The following ZDHHC11B variants were observed in gnomAD, a reference collection of about 807,000 sequenced individuals.
ZDHHC11B encodes zDHHC palmitoyltransferase 11B (putative).
In ZDHHC11B, 17 loss-of-function variants were observed where a neutral mutation model predicts 42.3. That is an observed-to-expected ratio of 0.40 (90% CI 0.27 to 0.60). The LOEUF is 0.60. Among genes scored for constraint, ZDHHC11B ranks in the 20% least tolerant of loss-of-function variants. The pLI is 0.41. For missense variants in ZDHHC11B, 262 were observed against 463.2 expected (o/e 0.57, Z 3.99); for synonymous variants, 123 against 193.5 (o/e 0.64, Z 3.02).
intron 8 of ZDHHC11B, among the ~76,000 whole-genome samples, chr5:746,216 T>C (rs536348486): frequency 7.5e-5 from 11 of 146,834 alleles, no homozygotes; most frequent in Middle Eastern, 3.4e-3. Flanking sequence ...GCCGATGTCT[T>C]GTGACTATTT....
intron 4 of ZDHHC11B, among the ~76,000 whole-genome samples, chr5:756,823 C>T (rs1264080303): frequency 7.3e-5 from 11 of 151,708 alleles, no homozygotes; most frequent in African/African-American, 2.2e-4. Flanking sequence ...GGCTCACTGA[C>T]GGACCCTCTC....
At chr5:779,141 C>T (rs470949) in intron 1 of ZDHHC11B, among the ~76,000 whole-genome samples, 2 of 150,878 alleles carry the variant, frequency 1.3e-5, no homozygotes, top group Non-Finnish European at 2.9e-5. Flanking sequence ...CACAGTCGCC[C>T]TGAGGCTGGG....
rs1486037641 is a variant in ZDHHC11B at position 751,962 on chromosome 5, G to A, written c.504-705C>T. ...GTGCGACTCGCCCAAGCCTACCAGC[G>A]GAGCATGAGGGTCACACGGCGTCTC... On this transcript the variant is annotated intron_variant, in intron 6 of 13. Coordinates refer to ENST00000508859, the MANE Select transcript of ZDHHC11B (RefSeq NM_001351303.2). Among the ~76,000 whole-genome samples, 37 of 120,706 alleles carry A rather than the reference G, an allele frequency of 3.1e-4. 5 individuals are homozygous for A. Among genetic ancestry groups the A allele is most frequent in the African/African-American group, 5.0e-4 (19 of 37,928 alleles). 79.2% of individuals were successfully genotyped at this position (120,706 alleles called of 152,430 possible).
chr5:751,566 G>T lies in ZDHHC11B; in HGVS notation c.504-309C>A, dbSNP rs1209689447. On this transcript the variant is annotated intron_variant, in intron 6 of 13. Transcript: ENST00000508859. ...GGGTGGGGGCATGCAGGGCAGGTGG[G>T]GGGTGCAGAGGCAGGGATGGGGACG... Among the ~76,000 whole-genome samples, 3 of 91,128 alleles carry T rather than the reference G, an allele frequency of 3.3e-5. No individual in the cohort carries two copies. In the East Asian group the frequency reaches 1.2e-3, roughly 37 times the overall value. 59.8% of individuals were successfully genotyped at this position (91,128 alleles called of 152,430 possible).
intron 1 of ZDHHC11B, among the ~76,000 whole-genome samples, chr5:770,892 C>T (rs1205803921): frequency 6.6e-6 from 1 of 151,958 alleles, no homozygotes; most frequent in Non-Finnish European, 1.5e-5. Flanking sequence ...AGGGGTGCCA[C>T]CCAGGCAGGG....
intron 12 of ZDHHC11B, among the ~76,000 whole-genome samples, chr5:728,622 C>A (rs1183551512): frequency 6.6e-6 from 1 of 151,996 alleles, no homozygotes; most frequent in Non-Finnish European, 1.5e-5. Flanking sequence ...AAGGGAGGTG[C>A]AGAATATTTT....
At chr5:770,875 A>G (rs1281086513) in intron 1 of ZDHHC11B, among the ~76,000 whole-genome samples, 2 of 151,908 alleles carry the variant, frequency 1.3e-5, no homozygotes, top group Non-Finnish European at 2.9e-5. Context: ...CTGTGGGGCT[A>G]AGATTGAGGG....
At chr5:724,572 T>C (rs1742427593) in intron 12 of ZDHHC11B, among the ~76,000 whole-genome samples, 1 of 138,498 alleles carries the variant, frequency 7.2e-6, no homozygotes, top group Non-Finnish European at 1.5e-5. Flanking sequence ...GAGACAGGGT[T>C]TCACCGTGTT....
intron 4 of ZDHHC11B, among the ~76,000 whole-genome samples, chr5:766,047 A>C (rs577803503): frequency 1.9e-4 from 29 of 151,966 alleles, no homozygotes; most frequent in South Asian, 6.2e-4. Flanking sequence ...TCCATGTCTC[A>C]GTGACCCTAG....
In ZDHHC11B at chr5:728,438, T is replaced by G. The variant is rs1484721252; in HGVS notation, c.1058+1996A>C. ...ACAAAGGTGCTTCTTGCAATTTTGT[T>G]TGCAAAACCTAAACTTGGTCATAAA... On this transcript the variant is annotated intron_variant, in intron 12 of 13. Transcript: ENST00000508859. Among the ~76,000 whole-genome samples, 18 of 151,856 alleles carry G rather than the reference T, an allele frequency of 1.2e-4. 1 individual carries two copies. The highest frequency in any genetic ancestry group is 2.4e-4 in the Non-Finnish European group (16 of 67,990).
intron 12 of ZDHHC11B, among the ~76,000 whole-genome samples, chr5:728,272 A>C (rs1182581447): frequency 1.3e-5 from 2 of 152,004 alleles, no homozygotes; most frequent in South Asian, 2.1e-4. Flanking sequence ...AGAGTGAGGA[A>C]ATTGAAGGAA....
chr5:765,673 C>T (rs1193228723), intron 4 of ZDHHC11B, among the ~76,000 whole-genome samples: 1 of 151,920 alleles, frequency 6.6e-6, no homozygotes, highest in East Asian at 1.9e-4. Context: ...GCTGCTCACT[C>T]TTTGGCTCCG....
intron 4 of ZDHHC11B, among the ~76,000 whole-genome samples, chr5:762,812 A>T (rs1315574055): frequency 6.0e-5 from 9 of 150,780 alleles, no homozygotes; most frequent in African/African-American, 1.7e-4. Context: ...TAAAAGCAGA[A>T]TTTTTTTTTA....
At chr5:783,627 C>T (rs1228578034) in intron 1 of ZDHHC11B, among the ~76,000 whole-genome samples, 28 of 150,906 alleles carry the variant, frequency 1.9e-4, no homozygotes, top group Non-Finnish European at 3.7e-4. Context: ...CAGCAGCCCC[C>T]CAACCCCCAT....
chr5:745,534 G>A (rs567913970), intron 8 of ZDHHC11B, among the ~76,000 whole-genome samples: 26 of 149,884 alleles, frequency 1.7e-4, no homozygotes, highest in Non-Finnish European at 2.7e-4. Flanking sequence ...CCTGGGGAAC[G>A]GTGCTGACTC....
In ZDHHC11B at chr5:741,288, C is replaced by G. The variant is rs1321436483; in HGVS notation, c.935+306G>C. On this transcript the variant is annotated intron_variant, in intron 10 of 13. Coordinates refer to ENST00000508859, the MANE Select transcript of ZDHHC11B (RefSeq NM_001351303.2). ...AGAAATACATTCAGACTCACAACTA[C>G]CCACATGTTCATGGAGAGATGTAGA... Among the ~76,000 whole-genome samples, 47 of 147,940 alleles carry G rather than the reference C, an allele frequency of 3.2e-4. 3 individuals carry two copies. Among genetic ancestry groups the G allele is most frequent in the Admixed American group, 1.5e-3 (21 of 14,446 alleles).
chr5:773,657 G>A (rs1736234517), intron 1 of ZDHHC11B, among the ~76,000 whole-genome samples: 1 of 151,844 alleles, frequency 6.6e-6, no homozygotes, highest in African/African-American at 2.4e-5. Context: ...GACGTGCCCA[G>A]CCCTGCCCCG....
chr5:776,387 G>T (rs193188983), intron 1 of ZDHHC11B, among the ~76,000 whole-genome samples: 19 of 151,870 alleles, frequency 1.3e-4, no homozygotes, highest in African/African-American at 4.6e-4. Context: ...GGAGTGGAGG[G>T]GATCAGGACC....
intron 2 of ZDHHC11B, 96 bp downstream of exon 2, chr5:768,737 ACT>A (rs1266312530): frequency 6.9e-6 from 2 of 287,784 alleles, no homozygotes; most frequent in African/African-American, 7.4e-5. Flanking sequence ...CAGTGAGGAA[ACT>A]CTGAAGTACG....
Sources: allele counts gnomAD v4.1 joint callset (sites outside exome capture counted in the v4.1 genomes callset), GRCh38; gene constraint gnomAD v4.1.1; transcripts MANE v1.5; gene names NCBI Gene and HGNC (gene_info 2026-07-23, HGNC 2026-07-21).